The following CSMD3 variants were observed in gnomAD, a reference collection of about 807,000 sequenced individuals.
The protein encoded by CSMD3 is CUB and Sushi multiple domains 3.
A neutral mutation model predicts 435.2 loss-of-function variants in CSMD3; 177 were observed. The observed-to-expected ratio is 0.41, with a 90% confidence interval of 0.36 to 0.46. CSMD3 has a LOEUF of 0.46. Ranked by LOEUF, CSMD3 falls within the 20% of genes least tolerant of loss-of-function variation. The probability of loss-of-function intolerance (pLI) is 0.34; values close to 1 mark genes in which losing one functional copy is unlikely to be tolerated. For synonymous variants in CSMD3, 1,656 were observed against 1,520.5 expected (o/e 1.09, Z -2.07); for missense variants, 4,265 against 4,504.6 (o/e 0.95, Z 1.52).
At chr8:112,800,329 T>C in intron 12 of CSMD3, 55 bp from the exon 13 acceptor site, 2 of 1,093,938 alleles carry the variant, frequency 1.8e-6, no homozygotes, top group Non-Finnish European at 2.8e-6. Flanking sequence ...ATCCTCTGCA[T>C]ACAAATTATA....
At chr8:112,987,210 T>A (rs1027685054) in intron 6 of CSMD3, among the ~76,000 whole-genome samples, 3 of 152,080 alleles carry the variant, frequency 2.0e-5, no homozygotes, top group African/African-American at 7.2e-5. Flanking sequence ...ACCCAGATAA[T>A]TTTGCTGTAT....
chr8:113,305,224 C>T (rs1035146666), intron 2 of CSMD3, among the ~76,000 whole-genome samples: 9 of 151,632 alleles, frequency 5.9e-5, no homozygotes, highest in Admixed American at 2.6e-4. Context: ...GTGGGTGCAG[C>T]GCACCAGCGT....
chr8:113,125,375 C>T (rs953237034), intron 4 of CSMD3, among the ~76,000 whole-genome samples: 2 of 151,896 alleles, frequency 1.3e-5, no homozygotes, highest in Non-Finnish European at 2.9e-5. Context: ...ATATTCCCTT[C>T]TACAGTTCAG....
chr8:112,883,164 CG>C (rs1241629604), intron 10 of CSMD3, among the ~76,000 whole-genome samples: 4 of 151,782 alleles, frequency 2.6e-5, no homozygotes, highest in African/African-American at 9.7e-5. Flanking sequence ...AAGTTTTGCC[CG>C]ATCTTCCAAT....
intron 5 of CSMD3, among the ~76,000 whole-genome samples, chr8:113,050,646 T>C (rs924504690): frequency 3.9e-5 from 6 of 152,144 alleles, no homozygotes; most frequent in Admixed American, 3.9e-4. Context: ...TATATATTTG[T>C]ACGTATCTAC....
At chr8:112,252,521 T>C (rs1054921397) in intron 63 of CSMD3, among the ~76,000 whole-genome samples, 8 of 151,804 alleles carry the variant, frequency 5.3e-5, no homozygotes, top group African/African-American at 1.9e-4. Flanking sequence ...TTTTGTTACT[T>C]GCAAGCAATC....
At chr8:113,038,714 C>T (rs558763704) in intron 5 of CSMD3, among the ~76,000 whole-genome samples, 1 of 152,080 alleles carries the variant, frequency 6.6e-6, no homozygotes, top group Admixed American at 6.5e-5. Flanking sequence ...GAATTCCTTA[C>T]TGGGAGCCCT....
chr8:113,112,484 C>T (rs529848283), intron 4 of CSMD3, among the ~76,000 whole-genome samples: 1 of 141,776 alleles, frequency 7.1e-6, no homozygotes, highest in Admixed American at 7.1e-5. Flanking sequence ...TACACACACA[C>T]ACACACACAC....
At chr8:112,975,606 CT>C (rs1221533246) in intron 7 of CSMD3, among the ~76,000 whole-genome samples, 8 of 152,054 alleles carry the variant, frequency 5.3e-5, no homozygotes, top group Non-Finnish European at 1.2e-4. Context: ...CTTTTACCCC[CT>C]CCCCCTCCAA....
chr8:112,579,085 C>T (rs551186139), intron 23 of CSMD3, among the ~76,000 whole-genome samples: 2 of 152,042 alleles, frequency 1.3e-5, no homozygotes, highest in East Asian at 1.9e-4. Context: ...ACTGCTTGAT[C>T]ATCTTTAATG....
chr8:112,228,914 T>C (rs1354904883), intron 69 of CSMD3, 23 bp from the exon 70 acceptor site: 2 of 1,210,774 alleles, frequency 1.7e-6, no homozygotes, highest in East Asian at 2.4e-5. Flanking sequence ...AAATAAATTA[T>C]AAATACACAA....
chr8:112,417,911 T>G (rs1261819664), intron 32 of CSMD3, among the ~76,000 whole-genome samples: 1 of 152,164 alleles, frequency 6.6e-6, no homozygotes, highest in Non-Finnish European at 1.5e-5. Flanking sequence ...TAGATCTATG[T>G]TTGATTCTCA....
intron 4 of CSMD3, among the ~76,000 whole-genome samples, chr8:113,137,258 T>A (rs1354274618): frequency 2.0e-5 from 3 of 151,696 alleles, no homozygotes; most frequent in Non-Finnish European, 3.0e-5. Context: ...ATTTAAATGA[T>A]GGCGGTTTTA....
intron 10 of CSMD3, among the ~76,000 whole-genome samples, chr8:112,905,848 T>A (rs1308192099): frequency 6.6e-6 from 1 of 151,416 alleles, no homozygotes; most frequent in East Asian, 2.0e-4. Flanking sequence ...GCAAGCTGTA[T>A]GGACTGAATG....
chr8:112,860,345 T>C (rs1228323168), intron 10 of CSMD3, among the ~76,000 whole-genome samples: 1 of 151,824 alleles, frequency 6.6e-6, no homozygotes, highest in Non-Finnish European at 1.5e-5. Context: ...TACTTTTAAT[T>C]ATCTTGTGAG....
chr8:112,680,828 A>T (rs1216352199), intron 16 of CSMD3, among the ~76,000 whole-genome samples: 2 of 152,178 alleles, frequency 1.3e-5, no homozygotes, highest in Admixed American at 6.5e-5. Flanking sequence ...CTTCAATTAA[A>T]TTTGTTGTAC....
chr8:113,133,436 T>C (rs1300976652), intron 4 of CSMD3, among the ~76,000 whole-genome samples: 2 of 152,086 alleles, frequency 1.3e-5, no homozygotes, highest in Non-Finnish European at 2.9e-5. Flanking sequence ...ATAACAAGTG[T>C]TGGCAAAAAT....
intron 6 of CSMD3, among the ~76,000 whole-genome samples, chr8:113,017,716 C>A (rs185558483): frequency 6.1e-4 from 92 of 151,946 alleles, no homozygotes; most frequent in African/African-American, 2.0e-3. Context: ...ATCTTATTTT[C>A]AATAAAATAG....
At chr8:113,202,760 C>G (rs1222391365) in intron 3 of CSMD3, among the ~76,000 whole-genome samples, 1 of 151,986 alleles carries the variant, frequency 6.6e-6, no homozygotes, top group Non-Finnish European at 1.5e-5. Flanking sequence ...TCAATTTGGA[C>G]GCAATGTAAA....
Sources: gnomAD v4.1 joint callset for allele counts (sites outside exome capture counted in the v4.1 genomes callset) on GRCh38, gnomAD v4.1.1 for gene constraint, MANE v1.5 for transcripts, NCBI Gene and HGNC (gene_info 2026-07-23, HGNC 2026-07-21) for gene names.